Variants in TBC1D1 observed in about 807,000 individuals in gnomAD.
The protein encoded by TBC1D1 is TBC1 domain family member 1, also known as TBC1 (tre-2/USP6, BUB2, cdc16) domain family, member 1.
In TBC1D1, 89 loss-of-function variants were observed where a neutral mutation model predicts 125.6. That is an observed-to-expected ratio of 0.71 (90% confidence interval 0.60 to 0.85). The LOEUF is 0.85. TBC1D1 is among the 40% of genes least tolerant of loss of function. The pLI is 0.00. For synonymous variants in TBC1D1, 565 were observed against 564.1 expected (o/e 1.00, Z -0.02); for missense variants, 1,377 against 1,469.2 (o/e 0.94, Z 1.03).
chr4:38,054,910 T>TG (rs58799151), intron 12 of TBC1D1: 17,917 of 153,616 alleles, frequency 0.12, 1,451 homozygotes, highest in East Asian at 0.4. Flanking sequence ...ACGGGGGTTG[T>TG]GGGGGAGCGT....
intron 14 of TBC1D1, among the ~76,000 whole-genome samples, chr4:38,099,865 A>G (rs1403358909): frequency 1.3e-5 from 2 of 152,336 alleles, no homozygotes; most frequent in Admixed American, 1.3e-4. Flanking sequence ...TTACTCCTGA[A>G]TACCACAATA....
chr4:37,968,081 A>C (rs951415250), intron 2 of TBC1D1, among the ~76,000 whole-genome samples: 1 of 152,268 alleles, frequency 6.6e-6, no homozygotes, highest in African/African-American at 2.4e-5. Context: ...ACATACTGAG[A>C]ACAGATGTTT....
chr4:37,949,952 A>C (rs1042505303), intron 2 of TBC1D1, among the ~76,000 whole-genome samples: 3 of 152,022 alleles, frequency 2.0e-5, no homozygotes, highest in African/African-American at 7.2e-5. Flanking sequence ...CCCCAGTTGC[A>C]CCGAGAGGTA....
At chr4:37,978,939 C>T (rs1354120805) in intron 2 of TBC1D1, among the ~76,000 whole-genome samples, 4 of 152,152 alleles carry the variant, frequency 2.6e-5, no homozygotes, top group Non-Finnish European at 5.9e-5. Flanking sequence ...TGCAGTGGTG[C>T]GATCTCAGTT....
At chr4:37,910,986 G>A (rs1718478571) in intron 2 of TBC1D1, among the ~76,000 whole-genome samples, 1 of 151,080 alleles carries the variant, frequency 6.6e-6, no homozygotes, top group Non-Finnish European at 1.5e-5. Flanking sequence ...AAAATAAAAT[G>A]TGCCTACTAG....
At chr4:38,087,269 A>G (rs1757644685) in intron 12 of TBC1D1, among the ~76,000 whole-genome samples, 1 of 152,238 alleles carries the variant, frequency 6.6e-6, no homozygotes, top group Non-Finnish European at 1.5e-5. Flanking sequence ...GAATACTAAA[A>G]TAAAACCGGA....
At chr4:38,105,911 T>G (rs1761216077) in intron 15 of TBC1D1, among the ~76,000 whole-genome samples, 1 of 152,188 alleles carries the variant, frequency 6.6e-6, no homozygotes, top group Non-Finnish European at 1.5e-5. Context: ...TGAGTACATG[T>G]GTCTTTTTGG....
intron 12 of TBC1D1, 113 bp from the exon 15 acceptor site, chr4:38,089,819 G>T: frequency 8.9e-7 from 1 of 1,122,092 alleles, no homozygotes; most frequent in Non-Finnish European, 1.2e-6. Flanking sequence ...TTTAAATTTG[G>T]TGATATTATT....
intron 13 of TBC1D1, among the ~76,000 whole-genome samples, chr4:38,093,669 A>C (rs2152543391): frequency 6.6e-6 from 1 of 151,150 alleles, no homozygotes; most frequent in South Asian, 2.1e-4. Flanking sequence ...ACAGGCACCC[A>C]CCACCACACC....
intron 17 of TBC1D1, among the ~76,000 whole-genome samples, chr4:38,119,516 TAAA>T (rs397773449): frequency 1.4e-5 from 2 of 144,374 alleles, no homozygotes; most frequent in Non-Finnish European, 3.1e-5. Flanking sequence ...ATACCATGGT[TAAA>T]AAAAAAAAAA....
chr4:38,117,204 C>T (rs1043188128), intron 16 of TBC1D1, among the ~76,000 whole-genome samples: 6 of 152,300 alleles, frequency 3.9e-5, no homozygotes, highest in Non-Finnish European at 7.4e-5. Flanking sequence ...CCTCTGAAAA[C>T]GGTTTTGTTT....
At chr4:38,116,163 A>T (rs1762955712) in intron 16 of TBC1D1, among the ~76,000 whole-genome samples, 1 of 152,114 alleles carries the variant, frequency 6.6e-6, no homozygotes, top group Non-Finnish European at 1.5e-5. Context: ...CAATTTGTAG[A>T]TTGGAAAACT....
intron 12 of TBC1D1, among the ~76,000 whole-genome samples, chr4:38,061,080 G>A (rs1333882314): frequency 6.6e-6 from 1 of 152,238 alleles, no homozygotes; most frequent in Non-Finnish European, 1.5e-5. Context: ...AAGAGTGAGT[G>A]TGATGGGGAA....
At chr4:37,972,048 A>G (rs1732134980) in intron 2 of TBC1D1, among the ~76,000 whole-genome samples, 1 of 151,996 alleles carries the variant, frequency 6.6e-6, no homozygotes, top group South Asian at 2.1e-4. Context: ...TCTCTCTCTC[A>G]CTTGGCCACC....
intron 8 of TBC1D1, 128 bp from the exon 9 acceptor site, chr4:38,044,234 T>C: frequency 2.0e-6 from 2 of 1,011,226 alleles, no homozygotes; most frequent in Non-Finnish European, 2.9e-6. Context: ...AAGGAGCAGA[T>C]GAGGTGAGAT....
rs1716282093 is a variant in TBC1D1, at chr4:37,902,448, T to A, written c.353T>A (p.Ile118Asn). 6.2e-7 allele frequency: 1 copy of A among 1,614,016 alleles called. No homozygotes were observed. Among genetic ancestry groups the A allele is most frequent in the South Asian group, 1.1e-5 (1 of 91,086 alleles). Residue 118 changes from isoleucine to asparagine, a missense_variant, in exon 2 of 20, where the codon ATT (isoleucine) becomes AAT (asparagine). Physicochemically the swap from Ile to Asn is moderately radical, Grantham distance 149 (BLOSUM62 -3). Around this residue, in one of 3 missense-constraint regions of TBC1D1, gnomAD observed 822 missense variants for 824.6 expected, o/e 1.00. Transcript: ENST00000261439. Reference sequence around the variant, plus strand: ...GACCCAAGTTACTTTGCTTGTCTGATTAAGGAAGACGCTGTCCACCGGCAG... The same window carrying A: ...GACCCAAGTTACTTTGCTTGTCTGAATAAGGAAGACGCTGTCCACCGGCAG...
intron 14 of TBC1D1, among the ~76,000 whole-genome samples, chr4:38,096,844 G>T (rs114770667): frequency 6.6e-6 from 1 of 151,240 alleles, no homozygotes; most frequent in Non-Finnish European, 1.5e-5. Context: ...TTACTGTATC[G>T]TATAAAAATA....
intron 15 of TBC1D1, among the ~76,000 whole-genome samples, chr4:38,105,732 C>T (rs1336883563): frequency 2.0e-5 from 3 of 152,144 alleles, no homozygotes; most frequent in Non-Finnish European, 4.4e-5. Context: ...GGGTAATGAC[C>T]TGCAGCTGCA....
chr4:37,991,802 TGC>T (rs1326030728), intron 2 of TBC1D1, among the ~76,000 whole-genome samples: 1 of 152,160 alleles, frequency 6.6e-6, no homozygotes, highest in African/African-American at 2.4e-5. Flanking sequence ...TGTGACCAGA[TGC>T]CAGCCATTCC....
Sources: allele counts gnomAD v4.1 joint callset (sites outside exome capture counted in the v4.1 genomes callset), GRCh38; gene constraint gnomAD v4.1.1; regional missense constraint gnomAD v4.1.1; transcripts MANE v1.5; gene names NCBI Gene and HGNC (gene_info 2026-07-23, HGNC 2026-07-21).